The following DRGX variants were observed in gnomAD, a reference collection of about 807,000 sequenced individuals.
DRGX encodes the protein dorsal root ganglia homeobox protein.
DRGX carries 21 observed loss-of-function variants against 28.6 expected under a neutral mutation model. The observed-to-expected ratio is 0.73, with a 90% CI of 0.52 to 1.06. DRGX has a LOEUF of 1.06. Among genes scored for constraint, DRGX ranks in the 50% least tolerant of loss-of-function variants. The pLI is 0.00. For missense variants in DRGX, 354 were observed against 343.9 expected (o/e 1.03, Z -0.23); for synonymous variants, 136 against 139.1 (o/e 0.98, Z 0.16).
chr10:49,367,249 C>G (rs1486456515), intron 6 of DRGX, among the ~76,000 whole-genome samples: 2 of 152,026 alleles, frequency 1.3e-5, no homozygotes, highest in African/African-American at 4.8e-5. Flanking sequence ...GATAGTCCTA[C>G]CTACTTGGAA....
intron 4 of DRGX, among the ~76,000 whole-genome samples, chr10:49,388,710 G>A (rs563291614): frequency 5.3e-5 from 8 of 152,288 alleles, no homozygotes; most frequent in East Asian, 1.9e-4. Flanking sequence ...TGATGGAGTC[G>A]TTTATTTCCC....
At chr10:49,370,848 T>C (rs1200509333) in intron 6 of DRGX, among the ~76,000 whole-genome samples, 2 of 152,222 alleles carry the variant, frequency 1.3e-5, no homozygotes, top group East Asian at 3.8e-4. Context: ...ATGTGGTCAA[T>C]ACGACTTCAC....
chr10:49,364,389 C>T lies in DRGX; in HGVS notation c.*1727G>A, dbSNP rs1260651277. On this transcript the variant is annotated 3_prime_UTR_variant, in exon 7 of 7. Transcript: ENST00000374139. The stretch of plus-strand genomic sequence containing the variant: ...TCAAAAGTAATTTCCTGAAAGTCCT[C>T]AAGGACACAAAATTTAATCAGCATA... 6.6e-6 allele frequency: 1 copy of T among 152,200 alleles called. No individual in the cohort carries two copies. The highest frequency in any genetic ancestry group is 2.4e-5 in the African/African-American group (1 of 41,444). The allele number at this position is 152,200 out of a possible 1,614,324, so 9.4% of individuals were successfully genotyped here. A position where few individuals can be genotyped will look rare whatever the true frequency, so the allele number is the denominator to read the frequency against.
intron 3 of DRGX, among the ~76,000 whole-genome samples, chr10:49,390,595 A>T (rs569112031): frequency 6.6e-6 from 1 of 152,338 alleles, no homozygotes; most frequent in Admixed American, 6.5e-5. Flanking sequence ...AAGCCAGGGA[A>T]CAGAAACAAC....
rs1375659772 is a variant in DRGX at position 49,395,535 on chromosome 10, AGC to A, written c.-81-16_-81-15del. On this transcript the variant is annotated splice_polypyrimidine_tract_variant and intron_variant, in intron 1 of 6. Coordinates refer to ENST00000374139, the MANE Select transcript of DRGX (RefSeq NM_001276451.2). Reference sequence around the variant, plus strand: ...GCTCCTGCCTGGCTGCAAAGCAAACAGCGATAGAGCTTCAAGTCTCCCTCTGC... The same window carrying A: ...GCTCCTGCCTGGCTGCAAAGCAAACAGATAGAGCTTCAAGTCTCCCTCTGC... 2.5e-5 allele frequency: 35 copies of A among 1,404,732 alleles called. No individual in the cohort carries two copies. Among genetic ancestry groups the A allele is most frequent in the Non-Finnish European group, 2.9e-6 (3 of 1,020,900 alleles). The allele number at this position is 1,404,732 out of a possible 1,614,324, so 87.0% of individuals were successfully genotyped here. A position where few individuals can be genotyped will look rare whatever the true frequency, so the allele number is the denominator to read the frequency against.
rs370393487 is a variant in DRGX at position 49,366,206 on chromosome 10, G to A, written c.702C>T (p.Pro234=). 64 of 1,613,682 alleles carry A rather than the reference G, an allele frequency of 4.0e-5. No homozygotes were observed. The African/African-American group carries it at 6.0e-4, about 15-fold the overall frequency. The part of the protein sequence containing the change: ...ANLLPSTSSS[P]GPVAKPAPPD... ...GGGGCGCCGGCTTGGCGACAGGGCC[G>A]GGGCTGCTGCTGGTGGAAGGCAGGA... Residue 234 remains proline (P), a synonymous_variant, in exon 7 of 7, where the codon CCC becomes CCT. Transcript: ENST00000374139.
Position 49,366,359 on chromosome 10 carries a change from G to T in DRGX, c.549C>A (p.Cys183Ter). ...SLKGGPLCSC[C>*]VPDPMGLSFL... is the part of the protein sequence containing the mutation. The stretch of plus-strand genomic sequence containing the variant: ...AGGAGAGTCCCATGGGGTCTGGGAC[G>T]CAGCAAGAGCACAGTGGGCCCCCTG... Residue 183 changes from cysteine (C) to a stop codon, truncating the protein, a stop_gained, in exon 7 of 7, where the codon TGC becomes TGA. Coordinates refer to ENST00000374139, the MANE Select transcript of DRGX (RefSeq NM_001276451.2). LOFTEE classifies it high-confidence loss of function. 3 of 1,608,882 alleles carry T rather than the reference G, an allele frequency of 1.9e-6. No individual in the cohort carries two copies. Among genetic ancestry groups the T allele is most frequent in the Non-Finnish European group, 2.6e-6 (3 of 1,176,236 alleles).
At chr10:49,386,393 G>A (rs544456922) in intron 6 of DRGX, 85 bp downstream of exon 6, 14 of 1,254,134 alleles carry the variant, frequency 1.1e-5, no homozygotes, top group South Asian at 9.5e-5. Flanking sequence ...GTGCAAGGAC[G>A]GCCGAGCCAA....
chr10:49,391,305 G>T, intron 2 of DRGX, 44 bp from the exon 3 acceptor site: 8 of 1,545,130 alleles, frequency 5.2e-6, no homozygotes, highest in Non-Finnish European at 7.1e-6. Flanking sequence ...AGGGGCCCCA[G>T]TCCTCAGACC....
chr10:49,368,149 G>A (rs7088219), intron 6 of DRGX, among the ~76,000 whole-genome samples: 19 of 152,106 alleles, frequency 1.2e-4, no homozygotes, highest in African/African-American at 2.7e-4. Flanking sequence ...ATCACATTAC[G>A]GCCACCCATA....
Position 49,386,805 on chromosome 10 carries a change from T to C in DRGX, c.288A>G (p.Ser96=). ...AKWRKTERGA[S]DQEPGAKEPM... is the part of the protein sequence containing the mutation. The stretch of plus-strand genomic sequence containing the variant: ...GCTCCTTGGCTCCTGGCTCCTGGTC[T>C]GAGGCCCCTCTCTCTGTCTTCCTCC... The change falls in exon 5 of 7, where the codon TCA becomes TCG. Residue 96 remains serine (S), a synonymous_variant. Transcript: ENST00000374139. 3 of 1,600,978 alleles carry C rather than the reference T, an allele frequency of 1.9e-6. No homozygotes were observed. Among genetic ancestry groups the C allele is most frequent in the Non-Finnish European group, 2.6e-6 (3 of 1,175,104 alleles).
At chr10:49,378,861 GTGTGTGTATATGCA>G (rs1226596870) in intron 6 of DRGX, among the ~76,000 whole-genome samples, 27 of 152,236 alleles carry the variant, frequency 1.8e-4, no homozygotes, top group Non-Finnish European at 3.1e-4. Context: ...ATGTATATGT[GTGTGTGTATATGCA>G]TGTGTGTATA....
chr10:49,394,564 ACCTGATGGCTACTAATTGGCCC>A (rs1444123440), intron 2 of DRGX, among the ~76,000 whole-genome samples: 3 of 152,174 alleles, frequency 2.0e-5, no homozygotes, highest in Admixed American at 2.0e-4. Context: ...GCATTGGCTC[ACCTGATGGCTACTAATTGGCCC>A]CCTGATGTGA....
At chr10:49,369,053 A>C (rs1005590752) in intron 6 of DRGX, among the ~76,000 whole-genome samples, 2 of 152,212 alleles carry the variant, frequency 1.3e-5, no homozygotes, top group East Asian at 3.9e-4. Flanking sequence ...GTAAGCATCA[A>C]TGGTGAGTTC....
At chr10:49,388,918 GAAC>G (rs10581304) in intron 4 of DRGX, among the ~76,000 whole-genome samples, 2,739 of 152,264 alleles carry the variant, frequency 0.018, 52 homozygotes, top group African/African-American at 0.046. Context: ...ACAACAGCCT[GAAC>G]AACAATTCCC....
chr10:49,365,919 C>T lies in DRGX; in HGVS notation c.*197G>A. On this transcript the variant is annotated 3_prime_UTR_variant, in exon 7 of 7. Transcript: ENST00000374139. The stretch of plus-strand genomic sequence containing the variant: ...TCTGTTGCCAAAGAAGCCAGGACAA[C>T]ACTGCCGCACTGGTGGGACTCCAGA... 2.0e-6 allele frequency: 1 copy of T among 504,008 alleles called. No homozygotes were observed. The highest frequency in any genetic ancestry group is 4.1e-5 in the Admixed American group (1 of 24,264). 31.2% of individuals were successfully genotyped at this position (504,008 alleles called of 1,614,324 possible).
intron 4 of DRGX, 29 bp from the exon 5 acceptor site, chr10:49,386,887 G>T: frequency 6.6e-7 from 1 of 1,516,218 alleles, no homozygotes; most frequent in Non-Finnish European, 8.8e-7. Flanking sequence ...CATACACCCA[G>T]TGAAAATCAA....
chr10:49,383,409 G>A (rs1287526329), intron 6 of DRGX, among the ~76,000 whole-genome samples: 1 of 152,308 alleles, frequency 6.6e-6, no homozygotes, highest in African/African-American at 2.4e-5. Context: ...GATGAGCCCA[G>A]GGAGGAGAGC....
chr10:49,392,269 G>A (rs1307139067), intron 2 of DRGX, among the ~76,000 whole-genome samples: 1 of 152,222 alleles, frequency 6.6e-6, no homozygotes, highest in Non-Finnish European at 1.5e-5. Flanking sequence ...ACCCTCAGAA[G>A]GACCTCAGTC....
Sources: gnomAD v4.1 joint callset for allele counts (sites outside exome capture counted in the v4.1 genomes callset) on GRCh38, gnomAD v4.1.1 for gene constraint, MANE v1.5 for transcripts, NCBI Gene and HGNC (gene_info 2026-07-23, HGNC 2026-07-21) for gene names.